RRP12: variants seen among roughly 807,000 people sequenced by gnomAD.
The protein encoded by RRP12 is ribosomal RNA processing 12 homolog.
A neutral mutation model predicts 157.3 loss-of-function variants in RRP12; 78 were observed. The ratio of observed to expected loss-of-function variants is 0.50; its 90% confidence interval spans 0.41 to 0.60. The LOEUF (loss-of-function observed/expected upper bound fraction) is 0.60. RRP12 is among the 20% of genes least tolerant of loss of function. The pLI, the probability that RRP12 is intolerant of heterozygous loss-of-function variation, is 0.00. For missense variants in RRP12, 1,521 were observed against 1,679.9 expected, an observed-to-expected ratio of 0.91 and a Z score of 1.65; for synonymous variants, 726 against 670.9, an observed-to-expected ratio of 1.08 and a Z score of -1.27.
At chr10:97,390,311 C>G (rs1589437177) in intron 6 of RRP12, 112 bp downstream of exon 6, 2 of 807,368 alleles carry the variant, frequency 2.5e-6, no homozygotes, top group East Asian at 4.9e-5. Context: ...AAAGCAGAAG[C>G]CAGTACTCAG....
chr10:97,379,258 G>C (rs1307416216), intron 15 of RRP12, 35 bp downstream of exon 15: 1 of 1,610,860 alleles, frequency 6.2e-7, no homozygotes. Flanking sequence ...ACTGTGGGGA[G>C]CCTCAGGTCA....
Position 97,381,471 on chromosome 10 carries a change from C to T in RRP12, c.1333G>A (p.Glu445Lys), listed in dbSNP as rs1844465458. ...ATQSLKEILK[E>K]CVAPHMADIG... ...TCAGCCATGTGGGGAGCCACGCATT[C>T]CTTCAGGATCTCCTGCGAAGAGAGG... The change falls in exon 12 of 34, where the codon GAA becomes AAA. Residue 445 changes from glutamate to lysine, a missense_variant. Transcript: ENST00000370992. 1 of 1,611,818 alleles carries T rather than the reference C, an allele frequency of 6.2e-7. No individual in the cohort carries two copies. Among genetic ancestry groups the T allele is most frequent in the Non-Finnish European group, 8.5e-7 (1 of 1,179,028 alleles).
intron 29 of RRP12, among the ~76,000 whole-genome samples, chr10:97,365,260 G>A (rs1368386285): frequency 9.5e-5 from 14 of 147,868 alleles, no homozygotes; most frequent in Admixed American, 8.2e-4. Flanking sequence ...GTGTGTTCTT[G>A]AAGACCTAGG....
intron 1 of RRP12, 128 bp from the exon 2 acceptor site, chr10:97,400,662 T>C: frequency 1.4e-6 from 1 of 725,990 alleles, no homozygotes; most frequent in Non-Finnish European, 2.3e-6. Flanking sequence ...ACACAGCCAG[T>C]CTCATAAAAC....
rs771841228 is a variant in RRP12 at position 97,400,458 on chromosome 10, G to A, written c.216C>T (p.Ser72=). Residue 72 remains serine (S), a synonymous_variant, in exon 2 of 34, where the codon AGC becomes AGT. Transcript: ENST00000370992. ...CTTCCATGGGCGTCTCCGGGGCTTC[G>A]CTTTTGCCCAAGCGCAAGGACCCTG... ...LQSGSLRLGK[S]EAPETPMEEE... 4 of 1,613,974 alleles carry A rather than the reference G, an allele frequency of 2.5e-6. No individual in the cohort carries two copies. The highest frequency in any genetic ancestry group is 1.7e-5 in the Admixed American group (1 of 59,994).
At position 97,367,115 on chromosome 10, in the gene RRP12, CT is replaced by C; in HGVS notation, c.2972del (p.Lys991SerfsTer12). ...HVQLVMEAIG[K>X]LSDDMRRHFR... ...AGTGCCGCCGCATGTCATCTGAAAGCTTCCCAATGGCTTCCATCTGCCGGAC... is the reference window on the plus strand; with the variant it reads ...AGTGCCGCCGCATGTCATCTGAAAGCTCCCAATGGCTTCCATCTGCCGGAC... On this transcript the variant is annotated frameshift_variant, in exon 26 of 34. Coordinates refer to ENST00000370992, the MANE Select transcript of RRP12 (RefSeq NM_015179.4). LOFTEE classifies it high-confidence loss of function. The C allele has an allele frequency of 6.2e-7, 1 of 1,614,184 alleles. No homozygotes were observed. Among genetic ancestry groups the C allele is most frequent in the Non-Finnish European group, 8.5e-7 (1 of 1,180,018 alleles).
rs1844134509 is a variant in RRP12, at chr10:97,370,989, G to A, written c.2436C>T (p.Ser812=). 4 of 1,613,980 alleles carry A rather than the reference G, an allele frequency of 2.5e-6. No homozygotes were observed. The highest frequency in any genetic ancestry group is 2.5e-6 in the Non-Finnish European group (3 of 1,179,970). The change falls in exon 21 of 34, where the codon AGC becomes AGT. Residue 812 remains serine (S), a synonymous_variant. Transcript: ENST00000370992. ...PQGPGALFVQ[S]HLEDLKKTLL... is the part of the protein sequence containing the mutation. Reference sequence around the variant, plus strand: ...GTGTCTTCTTCAGGTCCTCCAGGTGGCTCTGCACGAAGAGGGCCCCGGGGC... The same window carrying A: ...GTGTCTTCTTCAGGTCCTCCAGGTGACTCTGCACGAAGAGGGCCCCGGGGC...
chr10:97,389,051 G>T (rs1019544502), intron 6 of RRP12, among the ~76,000 whole-genome samples: 2 of 152,114 alleles, frequency 1.3e-5, no homozygotes, highest in African/African-American at 4.8e-5. Flanking sequence ...CATAACAGAA[G>T]GTTAAAAAGT....
At chr10:97,388,458 C>T in intron 7 of RRP12, 31 bp downstream of exon 7, 1 of 1,613,164 alleles carries the variant, frequency 6.2e-7, no homozygotes. Context: ...CACTGCCTCC[C>T]ATCCACCTGC....
chr10:97,369,868 G>A (rs936291356), intron 24 of RRP12, among the ~76,000 whole-genome samples: 2 of 152,184 alleles, frequency 1.3e-5, no homozygotes, highest in Non-Finnish European at 2.9e-5. Flanking sequence ...GCAGGACTAG[G>A]ACTAAAATCC....
intron 10 of RRP12, among the ~76,000 whole-genome samples, chr10:97,383,345 C>T (rs1280021900): frequency 6.6e-6 from 1 of 152,212 alleles, no homozygotes; most frequent in Non-Finnish European, 1.5e-5. Flanking sequence ...CCTGGCCTTA[C>T]TCATCAGGGC....
In RRP12 at chr10:97,374,170, T is replaced by G. The variant is rs527648994; in HGVS notation, c.1799-276A>C. ...CTTTAAACACATGCCCAATTTTTTT[T>G]GTTTGTTTGTTTTGTTTGAGACAGG... On this transcript the variant is annotated intron_variant, in intron 15 of 33. Transcript: ENST00000370992. Among the ~76,000 whole-genome samples, 15 of 152,274 alleles carry G rather than the reference T, an allele frequency of 9.9e-5. No individual in the cohort carries two copies. The South Asian group carries it at 2.9e-3, about 29-fold the overall frequency.
Position 97,373,746 on chromosome 10 carries a change from G to A in RRP12, c.1864-9C>T. The A allele has an allele frequency of 6.2e-7, 1 of 1,612,428 alleles. No homozygotes were observed. On this transcript the variant is annotated splice_polypyrimidine_tract_variant and intron_variant, in intron 16 of 33. Coordinates refer to ENST00000370992, the MANE Select transcript of RRP12 (RefSeq NM_015179.4). Reference sequence around the variant, plus strand: ...GGCAGGAGTGTCCACATCTGGAGAAGGAGGGGACAATAAAGGAAGGTGACA... The same window carrying A: ...GGCAGGAGTGTCCACATCTGGAGAAAGAGGGGACAATAAAGGAAGGTGACA...
chr10:97,364,815 G>T (rs559788047), intron 29 of RRP12, among the ~76,000 whole-genome samples: 1 of 152,294 alleles, frequency 6.6e-6, no homozygotes, highest in African/African-American at 2.4e-5. Flanking sequence ...GCCCAGGAAG[G>T]GCTACAAAAG....
At chr10:97,381,522 G>GC (rs1844467338) in intron 11 of RRP12, 39 bp from the exon 12 acceptor site, 5 of 1,518,370 alleles carry the variant, frequency 3.3e-6, no homozygotes, top group East Asian at 2.3e-5. Context: ...GCCCAAGGCA[G>GC]CCCCCCAGGA....
intron 13 of RRP12, 114 bp downstream of exon 13, chr10:97,380,685 C>A (rs916358262): frequency 2.7e-6 from 2 of 742,652 alleles, no homozygotes. Flanking sequence ...ATGGCCCTGT[C>A]AGGGTGGGGT....
chr10:97,365,269 G>GAT (rs1843941801), intron 29 of RRP12, among the ~76,000 whole-genome samples: 1 of 146,752 alleles, frequency 6.8e-6, no homozygotes, highest in African/African-American at 2.5e-5. Context: ...TGAAGACCTA[G>GAT]GTGTTTTTTT....
intron 8 of RRP12, among the ~76,000 whole-genome samples, chr10:97,387,096 A>G (rs1844655044): frequency 6.6e-6 from 1 of 152,154 alleles, no homozygotes; most frequent in Admixed American, 6.6e-5. Context: ...TCAAGTCTCT[A>G]TATTAAATGG....
At chr10:97,399,822 G>A (rs1845087060) in intron 2 of RRP12, among the ~76,000 whole-genome samples, 1 of 152,126 alleles carries the variant, frequency 6.6e-6, no homozygotes, top group South Asian at 2.1e-4. Context: ...GGAGGCTGAG[G>A]CAGGAGGATT....
Sources: gnomAD v4.1 joint callset for allele counts (sites outside exome capture counted in the v4.1 genomes callset) on GRCh38, gnomAD v4.1.1 for gene constraint, MANE v1.5 for transcripts, NCBI Gene and HGNC (gene_info 2026-07-23, HGNC 2026-07-21) for gene names.